DENND10: variants seen among roughly 807,000 people sequenced by gnomAD.
DENND10 encodes the protein DENN domain containing 10.
Under a neutral mutation model 43.6 loss-of-function variants are expected in DENND10, and 24 were observed. The ratio of observed to expected loss-of-function variants is 0.55; its 90% CI spans 0.40 to 0.77. The LOEUF (loss-of-function observed/expected upper bound fraction) is 0.77, where lower values mean the gene tolerates loss of function less well. DENND10 is among the 30% of genes least tolerant of loss of function. The pLI is 0.00. For missense variants in DENND10, 303 were observed against 429.9 expected (o/e 0.70, Z 2.61); for synonymous variants, 125 against 157.6 (o/e 0.79, Z 1.55).
At chr10:119,107,457 G>A (rs954732541) in intron 1 of DENND10, among the ~76,000 whole-genome samples, 1 of 150,452 alleles carries the variant, frequency 6.6e-6, no homozygotes, top group Non-Finnish European at 1.5e-5. Flanking sequence ...AGGCTAGAGT[G>A]CAGTGGCGTG....
At position 119,115,600 on chromosome 10, in the gene DENND10, G is replaced by A. The variant is rs548228341; in HGVS notation, c.333-1919G>A. Among the ~76,000 whole-genome samples the A allele has an allele frequency of 5.7e-3, 815 of 144,138 alleles. 5 individuals carry two copies. Among genetic ancestry groups the A allele is most frequent in the Non-Finnish European group, 8.6e-3 (568 of 66,046 alleles). The allele number at this position is 144,138 out of a possible 152,430, so 94.6% of individuals were successfully genotyped here. A position where few individuals can be genotyped will look rare whatever the true frequency, so the allele number is the denominator to read the frequency against. The stretch of plus-strand genomic sequence containing the variant: ...GAGACGGGGTTTCACCGTTTTAGCC[G>A]GGATGGTCTCGATCTCCTGACCTCG... On this transcript the variant is annotated intron_variant, in intron 3 of 8. Coordinates refer to ENST00000361432, the MANE Select transcript of DENND10 (RefSeq NM_207009.4).
At chr10:119,117,393 C>G in intron 3 of DENND10, 126 bp from the exon 4 acceptor site, 1 of 929,728 alleles carries the variant, frequency 1.1e-6, no homozygotes, top group Non-Finnish European at 1.6e-6. Context: ...AAGAGTGAAG[C>G]ATTCAGAAGG....
chr10:119,110,837 T>C (rs981597588), intron 2 of DENND10, among the ~76,000 whole-genome samples: 2 of 152,212 alleles, frequency 1.3e-5, no homozygotes, highest in Non-Finnish European at 2.9e-5. Flanking sequence ...TACTGAGATG[T>C]ATTTTGTTGT....
intron 1 of DENND10, among the ~76,000 whole-genome samples, chr10:119,105,807 A>G (rs1003952750): frequency 1.3e-5 from 2 of 152,106 alleles, no homozygotes; most frequent in African/African-American, 4.8e-5. Flanking sequence ...GCTTGGTCCC[A>G]GGAGGCAGAG....
intron 6 of DENND10, among the ~76,000 whole-genome samples, chr10:119,125,542 CTG>C (rs1398037140): frequency 9.2e-6 from 1 of 109,094 alleles, no homozygotes; most frequent in Non-Finnish European, 1.7e-5. Flanking sequence ...GAGTCTCACT[CTG>C]TTGCCCAGGC....
chr10:119,126,202 G>A (rs1845824695), intron 6 of DENND10, among the ~76,000 whole-genome samples: 1 of 151,988 alleles, frequency 6.6e-6, no homozygotes, highest in Non-Finnish European at 1.5e-5. Context: ...CCATTCATCT[G>A]TTGATGGACA....
At chr10:119,124,748 G>A (rs186363977) in intron 6 of DENND10, among the ~76,000 whole-genome samples, 7 of 152,020 alleles carry the variant, frequency 4.6e-5, no homozygotes, top group Non-Finnish European at 7.4e-5. Context: ...TCACGTTGTT[G>A]TTCAGCCATC....
intron 6 of DENND10, among the ~76,000 whole-genome samples, chr10:119,129,189 A>G (rs912297493): frequency 6.6e-6 from 1 of 152,222 alleles, no homozygotes; most frequent in Non-Finnish European, 1.5e-5. Context: ...AAAGACCTGA[A>G]GGGGGAACAT....
At position 119,117,705 on chromosome 10, in the gene DENND10, C is replaced by T. The variant is rs761968959; in HGVS notation, c.481+38C>T. On this transcript the variant is annotated intron_variant, in intron 4 of 8. Transcript: ENST00000361432. ...AAAACAGGCCAGGGACGGTGGCTCA[C>T]GCCTGTAATCCCAACACTTTGGGAG... The T allele has an allele frequency of 2.3e-5, 37 of 1,604,408 alleles. No homozygotes were observed. The East Asian group carries it at 3.6e-4, about 16-fold the overall frequency.
rs1048388447 is a variant in DENND10, at chr10:119,137,952, G to A, written c.*1305G>A. 1.2e-5 allele frequency: 2 copies of A among 166,840 alleles called. No homozygotes were observed. The highest frequency in any genetic ancestry group is 2.9e-5 in the Non-Finnish European group (2 of 68,100). The allele number at this position is 166,840 out of a possible 1,614,324, so 10.3% of individuals were successfully genotyped here. A position where few individuals can be genotyped will look rare whatever the true frequency, so the allele number is the denominator to read the frequency against. On this transcript the variant is annotated 3_prime_UTR_variant, in exon 9 of 9. Coordinates refer to ENST00000361432, the MANE Select transcript of DENND10 (RefSeq NM_207009.4). Reference sequence around the variant, plus strand: ...GTTGTTAAAATTATAAATTTATGATGCAGAAATAAAATTGATATATTTTGA... The same window carrying A: ...GTTGTTAAAATTATAAATTTATGATACAGAAATAAAATTGATATATTTTGA...
At chr10:119,130,699 A>G (rs1316672290) in intron 7 of DENND10, among the ~76,000 whole-genome samples, 4 of 152,216 alleles carry the variant, frequency 2.6e-5, no homozygotes, top group Non-Finnish European at 5.9e-5. Flanking sequence ...AGCCACAGTC[A>G]TCTGAAGGCT....
At chr10:119,131,382 C>T (rs537776056) in intron 7 of DENND10, among the ~76,000 whole-genome samples, 2 of 152,104 alleles carry the variant, frequency 1.3e-5, no homozygotes, top group African/African-American at 2.4e-5. Context: ...CAGTTGAACC[C>T]GGGAGGCAGA....
chr10:119,133,755 G>C (rs1589749833), intron 8 of DENND10: 1 of 152,278 alleles, frequency 6.6e-6, no homozygotes, highest in Non-Finnish European at 1.5e-5. Context: ...CTTGCCCTGA[G>C]GACCTGAACA....
chr10:119,130,770 C>T (rs1846049323), intron 7 of DENND10, among the ~76,000 whole-genome samples: 2 of 152,182 alleles, frequency 1.3e-5, no homozygotes, highest in Non-Finnish European at 2.9e-5. Context: ...GCCTCAGTTC[C>T]TTCTGCCATG....
In DENND10 at chr10:119,123,535, C is replaced by T. The variant is rs534343312; in HGVS notation, c.660C>T (p.Asn220=). The change falls in exon 6 of 9, where the codon AAC becomes AAT. Residue 220 remains asparagine, a synonymous_variant. Transcript: ENST00000361432. ...WTILHSYVHL[N]ADELEALQMC... ...TCCTTCACTCTTACGTGCACCTCAA[C>T]GCCGATGAGCTGGAAGCCCTGCAGA... 1.7e-4 allele frequency: 270 copies of T among 1,613,402 alleles called. 1 individual carries two copies. The East Asian group carries it at 5.1e-3, about 31-fold the overall frequency.
At chr10:119,122,826 C>T (rs1845637783) in intron 5 of DENND10, among the ~76,000 whole-genome samples, 2 of 150,898 alleles carry the variant, frequency 1.3e-5, no homozygotes, top group Admixed American at 6.7e-5. Context: ...TGAATTTTAC[C>T]CTTAGACTCC....
chr10:119,118,128 T>A (rs1845388075), intron 4 of DENND10, among the ~76,000 whole-genome samples: 1 of 152,212 alleles, frequency 6.6e-6, no homozygotes, highest in South Asian at 2.1e-4. Context: ...ATAATTCTAA[T>A]CCTTCCATAC....
intron 4 of DENND10, 71 bp downstream of exon 4, chr10:119,117,738 C>G (rs778047011): frequency 6.9e-7 from 1 of 1,451,138 alleles, no homozygotes; most frequent in East Asian, 2.3e-5. Flanking sequence ...GAGGCCAAGG[C>G]GGGTGGATCA....
At chr10:119,134,842 G>A (rs577991569) in intron 8 of DENND10, 6 of 152,352 alleles carry the variant, frequency 3.9e-5, no homozygotes, top group Non-Finnish European at 7.3e-5. Context: ...TAGCAATGCT[G>A]TTTCTGGGTA....
Sources: gnomAD v4.1 joint callset for allele counts (sites outside exome capture counted in the v4.1 genomes callset) on GRCh38, gnomAD v4.1.1 for gene constraint, MANE v1.5 for transcripts, NCBI Gene and HGNC (gene_info 2026-07-23, HGNC 2026-07-21) for gene names.